Variants in RGS7 observed in about 807,000 individuals in gnomAD.
RGS7 encodes regulator of G protein signaling 7, also known as regulator of G-protein signaling 7.
A neutral mutation model predicts 81.1 loss-of-function variants in RGS7; 27 were observed. That is an observed-to-expected ratio of 0.33 (90% CI 0.25 to 0.46). The LOEUF (loss-of-function observed/expected upper bound fraction) is 0.46, where lower values mean the gene tolerates loss of function less well. Among genes scored for constraint, RGS7 ranks in the 20% least tolerant of loss-of-function variants. The pLI, the probability that RGS7 is intolerant of heterozygous loss-of-function variation, is 1.00. For missense variants in RGS7, 396 were observed against 607.4 expected (o/e 0.65, Z 3.66); for synonymous variants, 208 against 207.7 (o/e 1.00, Z -0.01).
chr1:240,816,535 T>C, intron 10 of RGS7, 120 bp from the exon 11 acceptor site: 1 of 696,708 alleles, frequency 1.4e-6, no homozygotes, highest in East Asian at 2.7e-5. Context: ...TGATTAAGCT[T>C]CTTAACAAAA....
chr1:241,107,831 C>A (rs201341031), intron 2 of RGS7, among the ~76,000 whole-genome samples: 2 of 152,130 alleles, frequency 1.3e-5, no homozygotes, highest in East Asian at 3.8e-4. Context: ...ATTTATAACA[C>A]TGGAGGTGGA....
At chr1:241,040,671 G>A (rs978731032) in intron 3 of RGS7, among the ~76,000 whole-genome samples, 1 of 151,966 alleles carries the variant, frequency 6.6e-6, no homozygotes, top group South Asian at 2.1e-4. Context: ...TGTATTTTTA[G>A]TAGAGACAGG....
chr1:240,939,294 T>G (rs866589063), intron 4 of RGS7, among the ~76,000 whole-genome samples: 2 of 152,348 alleles, frequency 1.3e-5, no homozygotes, highest in African/African-American at 4.8e-5. Context: ...GTGATAGATA[T>G]GTTAATTATT....
chr1:240,894,578 T>A (rs1037667363), intron 6 of RGS7, among the ~76,000 whole-genome samples: 2 of 152,156 alleles, frequency 1.3e-5, no homozygotes, highest in Non-Finnish European at 2.9e-5. Context: ...ATTTGTATAA[T>A]ATTTGTATTA....
intron 4 of RGS7, among the ~76,000 whole-genome samples, chr1:240,963,842 A>C (rs6667207): frequency 0.011 from 1,697 of 152,252 alleles, 28 homozygotes; most frequent in African/African-American, 0.037. Flanking sequence ...GTTAAGATAT[A>C]AAAGTGAAAT....
chr1:240,780,480 T>C (rs897754479), intron 18 of RGS7, among the ~76,000 whole-genome samples: 5 of 146,338 alleles, frequency 3.4e-5, no homozygotes, highest in African/African-American at 1.3e-4. Context: ...TTCCTCTTTG[T>C]GGGATGAAGG....
At chr1:241,134,251 G>C (rs575141039) in intron 2 of RGS7, among the ~76,000 whole-genome samples, 1 of 152,094 alleles carries the variant, frequency 6.6e-6, no homozygotes, top group Non-Finnish European at 1.5e-5. Flanking sequence ...AAGATCTGTC[G>C]GGCAGTGCTG....
At chr1:241,125,247 A>G (rs1400751924) in intron 2 of RGS7, among the ~76,000 whole-genome samples, 1 of 152,166 alleles carries the variant, frequency 6.6e-6, no homozygotes, top group Non-Finnish European at 1.5e-5. Flanking sequence ...CAGTTCTTCC[A>G]CCAGTCTCCA....
At chr1:241,189,612 ATTT>A (rs1276406826) in intron 2 of RGS7, among the ~76,000 whole-genome samples, 5 of 152,072 alleles carry the variant, frequency 3.3e-5, no homozygotes, top group Non-Finnish European at 7.4e-5. Flanking sequence ...GATTCTGAAT[ATTT>A]TTTGCTTTTT....
At chr1:241,206,972 T>G (rs1205835473) in intron 2 of RGS7, among the ~76,000 whole-genome samples, 1 of 134,362 alleles carries the variant, frequency 7.4e-6, no homozygotes, top group South Asian at 2.7e-4. Flanking sequence ...TTTTTTTTTT[T>G]TTTTTTTTTT....
intron 2 of RGS7, among the ~76,000 whole-genome samples, chr1:241,292,547 C>A (rs1418945430): frequency 6.6e-6 from 1 of 152,066 alleles, no homozygotes; most frequent in Non-Finnish European, 1.5e-5. Context: ...ATTTAGTCAA[C>A]CAGAGAGACA....
Position 240,926,533 on chromosome 1 carries a change from TCTAGGACC to T in RGS7, c.385+4176_385+4183del, listed in dbSNP as rs557412174. ...TTGTGATGTGTATAAAATGGTCATT[TCTAGGACC>T]CTTTGTGTGCAATGTGTGTGTCCAG... On this transcript the variant is annotated intron_variant, in intron 6 of 18. Coordinates refer to ENST00000440928, the MANE Select transcript of RGS7 (RefSeq NM_001364886.1). 3.1e-3 allele frequency among the ~76,000 whole-genome samples: 474 copies of T among 152,340 alleles called. 4 individuals carry two copies. Among genetic ancestry groups the T allele is most frequent in the African/African-American group, 0.011 (463 of 41,572 alleles).
intron 4 of RGS7, among the ~76,000 whole-genome samples, chr1:240,946,880 C>T (rs261796): frequency 0.84 from 127,489 of 152,130 alleles, 54,587 homozygotes; most frequent in East Asian, 0.96. Context: ...TTTTGAATGC[C>T]GTTACCGCAA....
chr1:241,231,788 T>C (rs2075674765), intron 2 of RGS7, among the ~76,000 whole-genome samples: 1 of 152,256 alleles, frequency 6.6e-6, no homozygotes. Flanking sequence ...TTGGCTGTTT[T>C]CTTAACAGTA....
intron 9 of RGS7, among the ~76,000 whole-genome samples, chr1:240,834,172 C>T (rs1694300457): frequency 6.6e-6 from 1 of 152,182 alleles, no homozygotes; most frequent in Admixed American, 6.5e-5. Flanking sequence ...ATCCTTTCAG[C>T]CCTCCTCCTC....
chr1:241,206,925 T>C (rs1408127184), intron 2 of RGS7, among the ~76,000 whole-genome samples: 1 of 144,666 alleles, frequency 6.9e-6, no homozygotes. Flanking sequence ...CCTCCCTCCC[T>C]CTCTCTCTCC....
chr1:240,993,098 G>GAGGGAGA (rs1686720982), intron 3 of RGS7, among the ~76,000 whole-genome samples: 1 of 109,830 alleles, frequency 9.1e-6, no homozygotes, highest in African/African-American at 3.3e-5. Flanking sequence ...AAGGAAGGAG[G>GAGGGAGA]GAGGGAGGGA....
chr1:241,127,459 G>GC (rs1343438847), intron 2 of RGS7, among the ~76,000 whole-genome samples: 3 of 151,998 alleles, frequency 2.0e-5, no homozygotes, highest in Non-Finnish European at 4.4e-5. Context: ...ACCAAACACC[G>GC]CATGTTCTCA....
chr1:240,774,889 A>T (rs931366622), downstream of RGS7, among the ~76,000 whole-genome samples: 1 of 152,158 alleles, frequency 6.6e-6, no homozygotes, highest in Non-Finnish European at 1.5e-5. Flanking sequence ...ATACGGTATA[A>T]CAACTAATAG....
Sources: allele counts gnomAD v4.1 joint callset (sites outside exome capture counted in the v4.1 genomes callset), GRCh38; gene constraint gnomAD v4.1.1; transcripts MANE v1.5; gene names NCBI Gene and HGNC (gene_info 2026-07-23, HGNC 2026-07-21).